The following HIPK4 variants were observed in gnomAD, a reference collection of about 807,000 sequenced individuals.
HIPK4 encodes homeodomain-interacting protein kinase 4.
A neutral mutation model predicts 44.8 loss-of-function variants in HIPK4; 26 were observed. That is an observed-to-expected ratio of 0.58 (90% CI 0.43 to 0.80). The LOEUF is 0.80. Ranked by LOEUF, HIPK4 falls within the 30% of genes least tolerant of loss-of-function variation. The pLI is 0.00. For synonymous variants in HIPK4, 340 were observed against 355.5 expected (o/e 0.96, Z 0.49); for missense variants, 729 against 862.6 (o/e 0.85, Z 1.94).
At chr19:40,381,784 CTTTTTTTTTTTT>C (rs55780075) in intron 2 of HIPK4, among the ~76,000 whole-genome samples, 2 of 72,326 alleles carry the variant, frequency 2.8e-5, no homozygotes, top group East Asian at 3.9e-4. Context: ...CACTCAGATC[CTTTTTTTTTTTT>C]TTTTTTTTTT....
At position 40,379,459 on chromosome 19, in the gene HIPK4, T is replaced by C; in HGVS notation, c.*128A>G. 1 of 844,908 alleles carries C rather than the reference T, an allele frequency of 1.2e-6. No homozygotes were observed. Among genetic ancestry groups the C allele is most frequent in the East Asian group, 3.0e-5 (1 of 33,332 alleles). 52.3% of individuals were successfully genotyped at this position (844,908 alleles called of 1,614,324 possible). A position where few individuals can be genotyped will look rare whatever the true frequency, so the allele number is the denominator to read the frequency against. On this transcript the variant is annotated 3_prime_UTR_variant, in exon 4 of 4. Transcript: ENST00000291823. ...ACCGCAGACGGGGAATGAGAATTTC[T>C]GGATAACTATCTTTCTGTAAGAATA... is the stretch of plus-strand genomic sequence containing the variant.
chr19:40,386,447 G>A (rs1007417300), intron 1 of HIPK4, among the ~76,000 whole-genome samples: 12 of 151,966 alleles, frequency 7.9e-5, no homozygotes, highest in South Asian at 6.2e-4. Context: ...GCGAACTCCA[G>A]GGCTCACAAG....
rs888512312 is a variant in HIPK4 at position 40,383,717 on chromosome 19, C to A, written c.822+66G>T. Reference sequence around the variant, plus strand: ...AATTACAGGTGTGAGCCACGTTGCCCACCCTAGAATTTTTTTTCATGTAAC... The same window carrying A: ...AATTACAGGTGTGAGCCACGTTGCCAACCCTAGAATTTTTTTTCATGTAAC... On this transcript the variant is annotated intron_variant, in intron 2 of 3. Transcript: ENST00000291823. The A allele has an allele frequency of 3.9e-6, 5 of 1,277,274 alleles. No homozygotes were observed. The African/African-American group carries it at 5.9e-5, about 15-fold the overall frequency. 79.1% of individuals were successfully genotyped at this position (1,277,274 alleles called of 1,614,324 possible).
At position 40,380,891 on chromosome 19, in the gene HIPK4, C is replaced by T. The variant is rs372254628; in HGVS notation, c.1100G>A (p.Arg367His). The T allele has an allele frequency of 8.1e-6, 13 of 1,606,242 alleles. No individual in the cohort carries two copies. In the Admixed American group the frequency reaches 8.4e-5, roughly 10 times the overall value. The change falls in exon 3 of 4, where the codon CGC (arginine) becomes CAC (histidine). Residue 367 changes from arginine (R) to histidine (H), a missense_variant. Arg to His is a conservative substitution (Grantham distance 29). Coordinates refer to ENST00000291823, the MANE Select transcript of HIPK4 (RefSeq NM_144685.5). The surrounding 1 kb of genome is among the most constrained non-coding windows in gnomAD (Gnocchi z 4.2). ...ETTHYYQLSL[R>H]SYRLSLQVEG... The stretch of plus-strand genomic sequence containing the variant: ...CACTTGCAGCGAGAGGCGGTAGCTG[C>T]GCAGCGAGAGCTGGTAGTAGTGGGT...
intron 1 of HIPK4, among the ~76,000 whole-genome samples, chr19:40,384,784 G>C (rs2079355554): frequency 1.3e-5 from 2 of 151,564 alleles, no homozygotes; most frequent in South Asian, 4.2e-4. Flanking sequence ...GCTAATTTTT[G>C]TATTTTTAGT....
rs142414559 is a variant in HIPK4, at chr19:40,385,683, C to CTTTTTTT, written c.466-1551_466-1545dup. 1.6e-3 allele frequency among the ~76,000 whole-genome samples: 109 copies of CTTTTTTT among 67,016 alleles called. 2 individuals carry two copies. Among genetic ancestry groups the CTTTTTTT allele is most frequent in the Non-Finnish European group, 2.3e-3 (82 of 35,504 alleles). The allele number at this position is 67,016 out of a possible 152,430, so 44.0% of individuals were successfully genotyped here. On this transcript the variant is annotated intron_variant, in intron 1 of 3. Transcript: ENST00000291823. The stretch of plus-strand genomic sequence containing the variant: ...CCTGTTTTTCTTTTTCTTTTCTTTT[C>CTTTTTTT]TTTTTTTTTTTTTTTTTTTTTTTTT...
chr19:40,383,664 C>T (rs547458310), intron 2 of HIPK4, 119 bp downstream of exon 2: 69 of 781,950 alleles, frequency 8.8e-5, no homozygotes, highest in African/African-American at 8.5e-4. Flanking sequence ...TCAAGGGATC[C>T]TCCCACCACA....
rs79330270 is a variant in HIPK4, at chr19:40,381,080, G to T, written c.911C>A (p.Thr304Asn). The T allele has an allele frequency of 8.2e-3, 13,187 of 1,612,798 alleles. 65 individuals are homozygous for T. Among genetic ancestry groups the T allele is most frequent in the Non-Finnish European group, 9.5e-3 (11,231 of 1,180,002 alleles). ...CGCCAGCGCCTCCCGGTCAGGGAAG[G>T]TTAGCCGACTGGCCACACTGCCACC... ...VNGGSVASRL[T>N]FPDREALAEH... The change falls in exon 3 of 4, where the codon ACC (threonine) becomes AAC (asparagine). Residue 304 changes from threonine (T) to asparagine (N), a missense_variant. Thr to Asn is a moderately conservative substitution (Grantham distance 65, BLOSUM62 0). Coordinates refer to ENST00000291823, the MANE Select transcript of HIPK4 (RefSeq NM_144685.5).
At chr19:40,387,830 T>TTTTTTG (rs1217221124) in intron 1 of HIPK4, among the ~76,000 whole-genome samples, 1 of 151,538 alleles carries the variant, frequency 6.6e-6, no homozygotes, top group Non-Finnish European at 1.5e-5. Context: ...CATTTCTCAG[T>TTTTTTG]TTTTTGTTTT....
Position 40,390,036 on chromosome 19 carries a change from A to C in HIPK4, c.-134T>G. ...GAGAACCGCACTCGTGTCTCCTCCTATGAGGTTGGCCCCTGCTTCCCTGGC... is the reference window on the plus strand; with the variant it reads ...GAGAACCGCACTCGTGTCTCCTCCTCTGAGGTTGGCCCCTGCTTCCCTGGC... On this transcript the variant is annotated 5_prime_UTR_variant, in exon 1 of 4. Transcript: ENST00000291823. 1.5e-6 allele frequency: 1 copy of C among 670,110 alleles called. No individual in the cohort carries two copies. Among genetic ancestry groups the C allele is most frequent in the Non-Finnish European group, 2.5e-6 (1 of 397,738 alleles). 41.5% of individuals were successfully genotyped at this position (670,110 alleles called of 1,614,324 possible). A position where few individuals can be genotyped will look rare whatever the true frequency, so the allele number is the denominator to read the frequency against.
rs757350055 is a variant in HIPK4 at position 40,380,661 on chromosome 19, C to T, written c.1330G>A (p.Glu444Lys). The T allele has an allele frequency of 1.9e-6, 3 of 1,613,890 alleles. No homozygotes were observed. The highest frequency in any genetic ancestry group is 2.5e-6 in the Non-Finnish European group (3 of 1,179,952). The change falls in exon 3 of 4, where the codon GAG (glutamate) becomes AAG (lysine). Residue 444 changes from glutamate (E) to lysine (K), a missense_variant. Physicochemically the swap from Glu to Lys is moderately conservative, Grantham distance 56. Transcript: ENST00000291823. The surrounding 1 kb of genome is among the most constrained non-coding windows in gnomAD (Gnocchi z 4.2). Reference sequence around the variant, plus strand: ...TCGGAGACCGCATTGGTGCAGGTCTCACCCCACAGCCCATGCCCAGCCTCC... The same window carrying T: ...TCGGAGACCGCATTGGTGCAGGTCTTACCCCACAGCCCATGCCCAGCCTCC... ...LQEAGHGLWGETCTNAVSDMM... is the reference protein window; with the variant it reads ...LQEAGHGLWGKTCTNAVSDMM...
chr19:40,389,051 C>T lies in HIPK4; in HGVS notation c.465+387G>A, dbSNP rs564821473. Among the ~76,000 whole-genome samples, 2 of 152,076 alleles carry T rather than the reference C, an allele frequency of 1.3e-5. No homozygotes were observed. The highest frequency in any genetic ancestry group is 1.9e-4 in the East Asian group (1 of 5,174). On this transcript the variant is annotated intron_variant, in intron 1 of 3. Transcript: ENST00000291823. The surrounding 1 kb of genome is among the most constrained non-coding windows in gnomAD (Gnocchi z 4.6). ...ACAAAAATTAGCCGGGCATGGGTGG[C>T]GGGCACCTGTATTCCCAGCTACTCA...
rs774595669 is a variant in HIPK4 at position 40,380,908 on chromosome 19, G to A, written c.1083C>T (p.Tyr361=). 3 of 1,604,224 alleles carry A rather than the reference G, an allele frequency of 1.9e-6. No homozygotes were observed. The highest frequency in any genetic ancestry group is 1.7e-6 in the Non-Finnish European group (2 of 1,172,322). The change falls in exon 3 of 4, where the codon TAC becomes TAT. Residue 361 remains tyrosine, a synonymous_variant. Transcript: ENST00000291823. This position sits in a 1 kb window ranked among gnomAD's most constrained non-coding sequence, Gnocchi z 4.2. The part of the protein sequence containing the change: ...QLRSAHETTH[Y]YQLSLRSYRL... ...GGTAGCTGCGCAGCGAGAGCTGGTAGTAGTGGGTGGTCTCGTGGGCACTGC... is the reference window on the plus strand; with the variant it reads ...GGTAGCTGCGCAGCGAGAGCTGGTAATAGTGGGTGGTCTCGTGGGCACTGC...
In HIPK4 at chr19:40,390,046, C is replaced by A; in HGVS notation, c.-144G>T. 1 of 637,776 alleles carries A rather than the reference C, an allele frequency of 1.6e-6. No homozygotes were observed. The highest frequency in any genetic ancestry group is 2.7e-6 in the Non-Finnish European group (1 of 370,136). 39.5% of individuals were successfully genotyped at this position (637,776 alleles called of 1,614,324 possible). A position where few individuals can be genotyped will look rare whatever the true frequency, so the allele number is the denominator to read the frequency against. ...CTCGTGTCTCCTCCTATGAGGTTGG[C>A]CCCTGCTTCCCTGGCACCCCCAAAC... On this transcript the variant is annotated 5_prime_UTR_variant, in exon 1 of 4. Transcript: ENST00000291823.
At chr19:40,381,219 G>T (rs2079335380) in intron 2 of HIPK4, 51 bp from the exon 3 acceptor site, 3 of 1,469,792 alleles carry the variant, frequency 2.0e-6, no homozygotes, top group East Asian at 4.6e-5. Flanking sequence ...CAGGGCTAGG[G>T]CCCTGGGCAC....
chr19:40,386,974 C>T (rs2079366148), intron 1 of HIPK4, among the ~76,000 whole-genome samples: 1 of 152,096 alleles, frequency 6.6e-6, no homozygotes, highest in Non-Finnish European at 1.5e-5. Context: ...CCTGCCTCAG[C>T]CTCCCAAGTA....
intron 2 of HIPK4, among the ~76,000 whole-genome samples, chr19:40,383,205 G>C (rs1310392848): frequency 5.0e-5 from 7 of 140,768 alleles, no homozygotes; most frequent in African/African-American, 1.3e-4. Context: ...GCCTCAGCCC[G>C]CCGAGTAGCT....
At chr19:40,384,584 C>T (rs568136935) in intron 1 of HIPK4, among the ~76,000 whole-genome samples, 54 of 149,904 alleles carry the variant, frequency 3.6e-4, no homozygotes, top group African/African-American at 1.3e-3. Flanking sequence ...GGATTACAGG[C>T]GTGAGCCACC....
At chr19:40,379,927 T>C (rs1368652744) in intron 3 of HIPK4, among the ~76,000 whole-genome samples, 158 bp from the exon 4 acceptor site, 1 of 152,194 alleles carries the variant, frequency 6.6e-6, no homozygotes, top group Non-Finnish European at 1.5e-5. Context: ...GACAGCTCAC[T>C]GCAGCCTCGA....
Sources: allele counts gnomAD v4.1 joint callset (sites outside exome capture counted in the v4.1 genomes callset), GRCh38; gene constraint gnomAD v4.1.1; non-coding constraint Gnocchi (gnomAD v3.1); transcripts MANE v1.5; gene names NCBI Gene and HGNC (gene_info 2026-07-23, HGNC 2026-07-21).